Variants in DCC observed in about 807,000 individuals in gnomAD.
DCC encodes netrin receptor DCC.
DCC carries 58 observed loss-of-function variants against 172.5 expected under a neutral mutation model. The observed-to-expected ratio is 0.34, with a 90% CI of 0.27 to 0.42. The LOEUF (loss-of-function observed/expected upper bound fraction) is 0.42. Ranked by LOEUF, DCC falls within the 10% of genes least tolerant of loss-of-function variation. The pLI is 1.00. For missense variants in DCC, 1,740 were observed against 1,791.0 expected (o/e 0.97, Z 0.51); for synonymous variants, 709 against 644.5 (o/e 1.10, Z -1.52).
At chr18:52,652,565 C>G (rs1172027163) in intron 1 of DCC, among the ~76,000 whole-genome samples, 2 of 152,130 alleles carry the variant, frequency 1.3e-5, no homozygotes, top group African/African-American at 4.8e-5. Context: ...GTTTCCGTGG[C>G]TCTGCCTGGA....
At chr18:52,735,015 C>A (rs549532016) in intron 1 of DCC, among the ~76,000 whole-genome samples, 4 of 152,110 alleles carry the variant, frequency 2.6e-5, no homozygotes, top group Non-Finnish European at 5.9e-5. Context: ...TGTAATAAAT[C>A]CAGGCTTTTG....
At chr18:52,498,252 C>T (rs999390778) in intron 1 of DCC, among the ~76,000 whole-genome samples, 1 of 152,102 alleles carries the variant, frequency 6.6e-6, no homozygotes. Flanking sequence ...TGACCTTGAC[C>T]TTTCTTGGGT....
intron 2 of DCC, among the ~76,000 whole-genome samples, chr18:52,799,168 A>G (rs2037935136): frequency 6.6e-6 from 1 of 152,234 alleles, no homozygotes; most frequent in Non-Finnish European, 1.5e-5. Context: ...TGAAATTAGA[A>G]GCCATCTAAT....
At chr18:53,365,101 G>C (rs529561008) in intron 15 of DCC, among the ~76,000 whole-genome samples, 7 of 151,474 alleles carry the variant, frequency 4.6e-5, no homozygotes, top group African/African-American at 1.7e-4. Context: ...ACAGGCCCTG[G>C]TGTGCGATGT....
At chr18:52,812,319 C>T (rs1568119733) in intron 2 of DCC, among the ~76,000 whole-genome samples, 1 of 151,878 alleles carries the variant, frequency 6.6e-6, no homozygotes, top group Non-Finnish European at 1.5e-5. Context: ...TGATCAATGT[C>T]TATGCCTTGC....
chr18:53,070,876 T>A (rs1044091274), intron 7 of DCC, among the ~76,000 whole-genome samples: 1 of 152,184 alleles, frequency 6.6e-6, no homozygotes, highest in African/African-American at 2.4e-5. Context: ...CCACTCCAAT[T>A]CCTCAGAGAT....
At chr18:52,465,230 A>T (rs961647788) in intron 1 of DCC, among the ~76,000 whole-genome samples, 8 of 152,174 alleles carry the variant, frequency 5.3e-5, no homozygotes, top group African/African-American at 1.7e-4. Flanking sequence ...AAATTGCTAA[A>T]TATTTAGAAT....
intron 1 of DCC, among the ~76,000 whole-genome samples, chr18:52,745,070 G>T (rs1488017004): frequency 6.6e-6 from 1 of 152,172 alleles, no homozygotes; most frequent in Non-Finnish European, 1.5e-5. Context: ...CAAACAGTGT[G>T]CTGGTTGTAA....
At chr18:52,784,504 T>C (rs1034032063) in intron 2 of DCC, among the ~76,000 whole-genome samples, 13 of 152,110 alleles carry the variant, frequency 8.5e-5, no homozygotes, top group African/African-American at 3.1e-4. Context: ...TTTTCCATAA[T>C]GTCTGTACTG....
At chr18:52,832,522 C>T (rs1375159132) in intron 2 of DCC, among the ~76,000 whole-genome samples, 2 of 152,222 alleles carry the variant, frequency 1.3e-5, no homozygotes, top group African/African-American at 2.4e-5. Context: ...TCCGTGGACT[C>T]GTTTAAGAAT....
intron 9 of DCC, among the ~76,000 whole-genome samples, chr18:53,184,463 T>C (rs2055248374): frequency 6.6e-6 from 1 of 152,054 alleles, no homozygotes; most frequent in African/African-American, 2.4e-5. Flanking sequence ...GGCTCTATGG[T>C]ATAGTCTACT....
intron 2 of DCC, among the ~76,000 whole-genome samples, chr18:52,846,863 G>C (rs2038902264): frequency 6.6e-6 from 1 of 152,132 alleles, no homozygotes; most frequent in Admixed American, 6.5e-5. Context: ...ATCTGTGCAA[G>C]AAGTGGATGG....
intron 1 of DCC, among the ~76,000 whole-genome samples, chr18:52,617,463 G>A (rs898979442): frequency 1.3e-5 from 2 of 152,152 alleles, no homozygotes; most frequent in Admixed American, 6.5e-5. Flanking sequence ...GAATCGCATT[G>A]AGAATCCATT....
At chr18:53,418,180 T>C (rs976927364) in intron 21 of DCC, among the ~76,000 whole-genome samples, 5 of 152,158 alleles carry the variant, frequency 3.3e-5, no homozygotes, top group Non-Finnish European at 7.4e-5. Flanking sequence ...GTTCTAAATT[T>C]TACATCAAAC....
chr18:52,942,831 CT>C (rs1464568839), intron 5 of DCC, among the ~76,000 whole-genome samples: 1 of 152,100 alleles, frequency 6.6e-6, no homozygotes, highest in East Asian at 1.9e-4. Context: ...AATATTTTGC[CT>C]TTTCCAAGGA....
At position 53,532,788 on chromosome 18, in the gene DCC, C is replaced by T. The variant is rs1170166641; in HGVS notation, c.*2135C>T. On this transcript the variant is annotated 3_prime_UTR_variant, in exon 29 of 29. Transcript: ENST00000442544. ...ATCTCAGATTTTAGGGATTGAGTCA[C>T]ACCTTCAATCTATAGAATGAAGTTG... 1 of 149,174 alleles carries T rather than the reference C, an allele frequency of 6.7e-6. No individual in the cohort carries two copies. Among genetic ancestry groups the T allele is most frequent in the Non-Finnish European group, 1.5e-5 (1 of 67,732 alleles). The allele number at this position is 149,174 out of a possible 1,614,324, so 9.2% of individuals were successfully genotyped here.
At chr18:52,986,835 T>TACAC (rs147730924) in intron 5 of DCC, among the ~76,000 whole-genome samples, 3,812 of 136,006 alleles carry the variant, frequency 0.028, 63 homozygotes, top group Admixed American at 0.044. Flanking sequence ...CACATATACA[T>TACAC]ACACACACAC....
In DCC at chr18:53,452,381, TC is replaced by T. The variant is rs576209938; in HGVS notation, c.3392+1726del. ...TAGTGGGTTTGTTTTTGATTTGGGT[TC>T]CCCCCCGCCCCGTGTCATTTCTGTG... On this transcript the variant is annotated intron_variant, in intron 23 of 28. Coordinates refer to ENST00000442544, the MANE Select transcript of DCC (RefSeq NM_005215.4). 7.3e-3 allele frequency among the ~76,000 whole-genome samples: 1,101 copies of T among 151,856 alleles called. 17 individuals are homozygous for T. Among genetic ancestry groups the T allele is most frequent in the Admixed American group, 0.027 (412 of 15,228 alleles).
chr18:52,374,064 T>G (rs79383210), intron 1 of DCC, among the ~76,000 whole-genome samples: 1,793 of 151,864 alleles, frequency 0.012, 39 homozygotes, highest in African/African-American at 0.036. Flanking sequence ...GATTTTTTTT[T>G]TGTGTTTTTA....
Sources: gnomAD v4.1 joint callset for allele counts (sites outside exome capture counted in the v4.1 genomes callset) on GRCh38, gnomAD v4.1.1 for gene constraint, MANE v1.5 for transcripts, NCBI Gene and HGNC (gene_info 2026-07-23, HGNC 2026-07-21) for gene names.